The following DOK5 variants were observed in gnomAD, a reference collection of about 807,000 sequenced individuals.
The protein encoded by DOK5 is docking protein 5.
In DOK5, 27 loss-of-function variants were observed where a neutral mutation model predicts 43.3. The ratio of observed to expected loss-of-function variants is 0.62; its 90% CI spans 0.46 to 0.86. The LOEUF is 0.86. Among genes scored for constraint, DOK5 ranks in the 40% least tolerant of loss-of-function variants. The probability of loss-of-function intolerance (pLI) is 0.00; values close to 1 mark genes in which losing one functional copy is unlikely to be tolerated. For synonymous variants in DOK5, 146 were observed against 140.1 expected, an observed-to-expected ratio of 1.04 and a Z score of -0.30; for missense variants, 373 against 392.9, an observed-to-expected ratio of 0.95 and a Z score of 0.43.
chr20:54,574,318 G>T (rs1028419855), intron 2 of DOK5, among the ~76,000 whole-genome samples: 1 of 152,080 alleles, frequency 6.6e-6, no homozygotes, highest in East Asian at 1.9e-4. Flanking sequence ...GTTTGAACTT[G>T]TGGTTGTGAT....
intron 1 of DOK5, among the ~76,000 whole-genome samples, chr20:54,501,194 G>A (rs11697924): frequency 1.3e-5 from 2 of 152,018 alleles, no homozygotes; most frequent in Admixed American, 1.3e-4. Context: ...GGGGCTGGGC[G>A]CGGTGGCTCA....
At chr20:54,643,425 G>C (rs6064099) in intron 6 of DOK5, 33 bp from the exon 7 acceptor site, 467,485 of 1,609,122 alleles carry the variant, frequency 0.29, 71,834 homozygotes, top group African/African-American at 0.55. Context: ...CCCCAGTGTT[G>C]CTGACGCACA....
intron 6 of DOK5, among the ~76,000 whole-genome samples, chr20:54,613,950 C>A (rs776029380): frequency 2.0e-5 from 3 of 151,598 alleles, no homozygotes; most frequent in African/African-American, 4.8e-5. Context: ...GCTAGGTTCC[C>A]GCCACTGCAC....
chr20:54,635,244 A>G (rs1978768379), intron 6 of DOK5, among the ~76,000 whole-genome samples: 2 of 152,146 alleles, frequency 1.3e-5, no homozygotes. Flanking sequence ...AAAATATATT[A>G]TTTGACATAT....
At chr20:54,596,221 G>GT (rs1986137005) in intron 5 of DOK5, among the ~76,000 whole-genome samples, 1 of 152,198 alleles carries the variant, frequency 6.6e-6, no homozygotes, top group South Asian at 2.1e-4. Flanking sequence ...GTGAAGATAA[G>GT]TTTTTTCCTT....
intron 1 of DOK5, among the ~76,000 whole-genome samples, chr20:54,490,932 A>C (rs1028708086): frequency 6.6e-6 from 1 of 151,236 alleles, no homozygotes; most frequent in Non-Finnish European, 1.5e-5. Flanking sequence ...TCTACTTTTC[A>C]CTCTTCAAAT....
At chr20:54,622,426 T>C (rs1464583401) in intron 6 of DOK5, among the ~76,000 whole-genome samples, 2 of 152,158 alleles carry the variant, frequency 1.3e-5, no homozygotes, top group African/African-American at 4.8e-5. Flanking sequence ...CGTAATAACT[T>C]GCAACGTGCA....
intron 1 of DOK5, among the ~76,000 whole-genome samples, chr20:54,478,318 C>G (rs1981518345): frequency 6.6e-6 from 1 of 152,150 alleles, no homozygotes; most frequent in Non-Finnish European, 1.5e-5. Context: ...CATGGGGACC[C>G]TATGTCCACA....
intron 1 of DOK5, among the ~76,000 whole-genome samples, chr20:54,498,659 C>T (rs2146675935): frequency 6.6e-6 from 1 of 152,258 alleles, no homozygotes; most frequent in Non-Finnish European, 1.5e-5. Flanking sequence ...AGCAAAATTA[C>T]ATTCAATATT....
At chr20:54,590,335 G>A (rs904291272) in intron 4 of DOK5, among the ~76,000 whole-genome samples, 3 of 151,908 alleles carry the variant, frequency 2.0e-5, no homozygotes, top group African/African-American at 4.8e-5. Flanking sequence ...AATTAAAATG[G>A]TCACTCCACC....
chr20:54,557,485 C>T (rs1397874320), intron 2 of DOK5, among the ~76,000 whole-genome samples: 2 of 152,174 alleles, frequency 1.3e-5, no homozygotes, highest in African/African-American at 4.8e-5. Context: ...GGCTATAGAC[C>T]AGTACTGGTC....
At chr20:54,476,246 T>C in intron 1 of DOK5, 1 of 976,214 alleles carries the variant, frequency 1.0e-6, no homozygotes, top group Non-Finnish European at 1.2e-6. Flanking sequence ...TGGCCGCGTG[T>C]TGGGCTTCAG....
At chr20:54,539,276 C>T (rs1228269701) in intron 1 of DOK5, among the ~76,000 whole-genome samples, 1 of 94,126 alleles carries the variant, frequency 1.1e-5, no homozygotes, top group Non-Finnish European at 1.8e-5. Flanking sequence ...GAGGCTCCAT[C>T]TCCAAAAAAA....
chr20:54,561,430 G>C (rs1026427565), intron 2 of DOK5, among the ~76,000 whole-genome samples: 1 of 152,142 alleles, frequency 6.6e-6, no homozygotes, highest in Non-Finnish European at 1.5e-5. Context: ...ACCCTTCTTC[G>C]TCTCTTGTTC....
intron 1 of DOK5, among the ~76,000 whole-genome samples, chr20:54,540,179 G>T (rs907362103): frequency 1.5e-4 from 23 of 151,890 alleles, no homozygotes; most frequent in Admixed American, 1.4e-3. Context: ...ATACCTATTG[G>T]GTGCATACCA....
chr20:54,540,970 T>G (rs1238021259), intron 1 of DOK5, among the ~76,000 whole-genome samples: 1 of 152,188 alleles, frequency 6.6e-6, no homozygotes, highest in Non-Finnish European at 1.5e-5. Flanking sequence ...ATTATGCTAT[T>G]AAATATAATT....
chr20:54,569,581 C>A (rs1985217411), intron 2 of DOK5, among the ~76,000 whole-genome samples: 1 of 152,148 alleles, frequency 6.6e-6, no homozygotes, highest in Non-Finnish European at 1.5e-5. Flanking sequence ...TAATAGCCTG[C>A]ACCTTTAAGT....
At chr20:54,589,905 G>A (rs1208795649) in intron 4 of DOK5, among the ~76,000 whole-genome samples, 1 of 152,066 alleles carries the variant, frequency 6.6e-6, no homozygotes, top group East Asian at 1.9e-4. Context: ...TTGTAGATTG[G>A]AAAATTGAGC....
chr20:54,510,059 G>A (rs1307945493), intron 1 of DOK5, among the ~76,000 whole-genome samples: 1 of 152,028 alleles, frequency 6.6e-6, no homozygotes, highest in East Asian at 1.9e-4. Context: ...CATGGCACAC[G>A]CTTACCTATG....
Sources: gnomAD v4.1 joint callset for allele counts (sites outside exome capture counted in the v4.1 genomes callset) on GRCh38, gnomAD v4.1.1 for gene constraint, MANE v1.5 for transcripts, NCBI Gene and HGNC (gene_info 2026-07-23, HGNC 2026-07-21) for gene names.